The following PPP2R5E variants were observed in gnomAD, a reference collection of about 807,000 sequenced individuals.
The protein encoded by PPP2R5E is serine/threonine-protein phosphatase 2A 56 kDa regulatory subunit epsilon isoform.
Under a neutral mutation model 65.3 loss-of-function variants are expected in PPP2R5E, and 4 were observed. The observed-to-expected ratio is 0.06, with a 90% CI of 0.03 to 0.14. PPP2R5E has a LOEUF of 0.14. Ranked by LOEUF, PPP2R5E falls within the 10% of genes least tolerant of loss-of-function variation. PPP2R5E has a pLI of 1.00. For synonymous variants in PPP2R5E, 183 were observed against 187.4 expected, an observed-to-expected ratio of 0.98 and a Z score of 0.19; for missense variants, 274 against 556.1, an observed-to-expected ratio of 0.49 and a Z score of 5.10.
intron 2 of PPP2R5E, among the ~76,000 whole-genome samples, chr14:63,527,929 A>T (rs182518290): frequency 6.6e-6 from 1 of 151,998 alleles, no homozygotes; most frequent in African/African-American, 2.4e-5. Context: ...TGTAAGAAAA[A>T]AAAAAAAAAA....
intron 12 of PPP2R5E, among the ~76,000 whole-genome samples, 164 bp downstream of exon 12, chr14:63,384,280 G>T (rs982770779): frequency 6.6e-6 from 1 of 152,166 alleles, no homozygotes; most frequent in African/African-American, 2.4e-5. Context: ...TTTTGTTAAA[G>T]TATCTGTTTA....
intron 2 of PPP2R5E, among the ~76,000 whole-genome samples, chr14:63,530,371 T>C (rs1238721108): frequency 1.3e-5 from 2 of 151,762 alleles, no homozygotes; most frequent in African/African-American, 4.8e-5. Flanking sequence ...TAGCTGGGAC[T>C]ACAGGCGCGT....
At chr14:63,422,642 C>T (rs577307363) in intron 3 of PPP2R5E, among the ~76,000 whole-genome samples, 9 of 146,212 alleles carry the variant, frequency 6.2e-5, no homozygotes, top group Middle Eastern at 3.5e-3. Context: ...AGGAGAATGG[C>T]GTGAACCCCG....
chr14:63,390,295 GACACACACACACACACAC>G (rs59239063), intron 10 of PPP2R5E, among the ~76,000 whole-genome samples: 22 of 140,180 alleles, frequency 1.6e-4, no homozygotes, highest in East Asian at 6.2e-4. Context: ...ACGCATTCTC[GACACACACACACACACAC>G]ACACACACAC....
chr14:63,422,865 T>G (rs774249594), intron 3 of PPP2R5E, among the ~76,000 whole-genome samples: 1 of 150,978 alleles, frequency 6.6e-6, no homozygotes, highest in Non-Finnish European at 1.5e-5. Context: ...ACCTTAAAAA[T>G]ATTCCTTATC....
At chr14:63,521,447 C>T (rs1280088562) in intron 2 of PPP2R5E, among the ~76,000 whole-genome samples, 1 of 152,088 alleles carries the variant, frequency 6.6e-6, no homozygotes, top group African/African-American at 2.4e-5. Context: ...GGCGGGCAGA[C>T]CACAAGGTCA....
At chr14:63,512,372 T>A (rs1237548467) in intron 2 of PPP2R5E, among the ~76,000 whole-genome samples, 1 of 152,172 alleles carries the variant, frequency 6.6e-6, no homozygotes. Context: ...AGGACAAACA[T>A]ACATACCACA....
chr14:63,418,841 CTT>C (rs772740856), intron 4 of PPP2R5E, among the ~76,000 whole-genome samples: 6 of 105,082 alleles, frequency 5.7e-5, no homozygotes, highest in South Asian at 3.0e-4. Context: ...AATTTTTTTA[CTT>C]TTTTTTTTTT....
rs746570920 is a variant in PPP2R5E, at chr14:63,376,031, C to A, written c.1382G>T (p.Arg461Leu). 1.9e-6 allele frequency: 3 copies of A among 1,600,524 alleles called. No homozygotes were observed. The highest frequency in any genetic ancestry group is 2.6e-6 in the Non-Finnish European group (3 of 1,167,848). ...EDLELKRGLR[R>L]DGIIPT ...TTGTTAAGTTGGAATTATTCCATCA[C>A]GTCTAAGACCTCTCTTTAACTCCAG... Residue 461 changes from arginine to leucine, a missense_variant, in exon 14 of 14, where the codon CGT becomes CTT. Physicochemically the swap from Arg to Leu is moderately radical, Grantham distance 102. Transcript: ENST00000337537.
intron 2 of PPP2R5E, among the ~76,000 whole-genome samples, chr14:63,514,948 C>T (rs764812463): frequency 5.3e-5 from 8 of 152,178 alleles, no homozygotes; most frequent in Non-Finnish European, 1.0e-4. Context: ...AAGGAAAATT[C>T]ACTAAAATTC....
intron 2 of PPP2R5E, among the ~76,000 whole-genome samples, chr14:63,533,713 G>A (rs971682281): frequency 3.9e-5 from 6 of 152,158 alleles, no homozygotes; most frequent in African/African-American, 1.4e-4. Context: ...GGAGGCCTAG[G>A]CAGGCGGACG....
chr14:63,507,133 G>A (rs1369081291), intron 2 of PPP2R5E, among the ~76,000 whole-genome samples: 2 of 152,188 alleles, frequency 1.3e-5, no homozygotes, highest in South Asian at 2.1e-4. Context: ...GGCCACTGCT[G>A]CAGGGGGCAC....
chr14:63,415,783 C>G (rs1029173599), intron 4 of PPP2R5E, among the ~76,000 whole-genome samples: 5 of 152,078 alleles, frequency 3.3e-5, no homozygotes, highest in Admixed American at 1.3e-4. Context: ...AACCAACCTC[C>G]CAGGCTTAGA....
intron 2 of PPP2R5E, among the ~76,000 whole-genome samples, chr14:63,489,616 C>T (rs761059402): frequency 6.6e-6 from 1 of 151,900 alleles, no homozygotes; most frequent in Non-Finnish European, 1.5e-5. Flanking sequence ...TGCCACATTG[C>T]CCAGGCTGGT....
At chr14:63,396,453 G>A in intron 6 of PPP2R5E, 133 bp downstream of exon 6, 1 of 1,199,838 alleles carries the variant, frequency 8.3e-7, no homozygotes, top group East Asian at 2.5e-5. Flanking sequence ...AGGAGAGTCA[G>A]TAGAATGAAG....
At chr14:63,530,008 T>C (rs1893345747) in intron 2 of PPP2R5E, among the ~76,000 whole-genome samples, 1 of 152,068 alleles carries the variant, frequency 6.6e-6, no homozygotes, top group Non-Finnish European at 1.5e-5. Flanking sequence ...TCCCATTTAG[T>C]CTAAGCCAAA....
At chr14:63,403,456 T>C (rs1885881132) in intron 5 of PPP2R5E, among the ~76,000 whole-genome samples, 1 of 150,278 alleles carries the variant, frequency 6.7e-6, no homozygotes, top group African/African-American at 2.4e-5. Context: ...CTCAGAACAC[T>C]TACATCCCAT....
At chr14:63,501,354 G>A (rs908129049) in intron 2 of PPP2R5E, among the ~76,000 whole-genome samples, 27 of 148,684 alleles carry the variant, frequency 1.8e-4, no homozygotes, top group African/African-American at 6.5e-4. Flanking sequence ...GCAGTGAGCC[G>A]ATACAGTGCC....
At chr14:63,494,515 G>A (rs994851422) in intron 2 of PPP2R5E, among the ~76,000 whole-genome samples, 3 of 150,808 alleles carry the variant, frequency 2.0e-5, no homozygotes, top group East Asian at 1.9e-4. Context: ...GATTACAAGC[G>A]TGAGCCACCG....
Sources: gnomAD v4.1 joint callset for allele counts (sites outside exome capture counted in the v4.1 genomes callset) on GRCh38, gnomAD v4.1.1 for gene constraint, MANE v1.5 for transcripts, NCBI Gene and HGNC (gene_info 2026-07-23, HGNC 2026-07-21) for gene names.